HEATR4: variants seen among roughly 807,000 people sequenced by gnomAD.
HEATR4 encodes the protein HEAT repeat containing 4.
In HEATR4, 95 loss-of-function variants were observed where a neutral mutation model predicts 108.8. That is an observed-to-expected ratio of 0.87 (90% CI 0.74 to 1.04). The LOEUF (loss-of-function observed/expected upper bound fraction) is 1.04, where lower values mean the gene tolerates loss of function less well. Ranked by LOEUF, HEATR4 falls within the 50% of genes least tolerant of loss-of-function variation. The pLI is 0.00. For missense variants in HEATR4, 1,152 were observed against 1,253.8 expected, an observed-to-expected ratio of 0.92 and a Z score of 1.23; for synonymous variants, 443 against 459.4, an observed-to-expected ratio of 0.96 and a Z score of 0.46.
At chr14:73,573,957 C>T in the HEATR4 span, among the ~76,000 whole-genome samples, 1 of 151,994 alleles carries the variant, frequency 6.6e-6, no homozygotes, top group South Asian at 2.1e-4. Flanking sequence ...GAACTCCTGA[C>T]CTCAAATGAT....
chr14:73,592,483 G>T, the HEATR4 span: 1 of 1,415,114 alleles, frequency 7.1e-7, no homozygotes, highest in Non-Finnish European at 9.2e-7. Context: ...TTCCAGTGCT[G>T]ATTTAGCACT....
chr14:73,607,094 G>A, the HEATR4 span, among the ~76,000 whole-genome samples: 120 of 152,198 alleles, frequency 7.9e-4, 1 homozygote, highest in Admixed American at 6.2e-3. Flanking sequence ...GGTGGATCAC[G>A]AAGCCAGGAA....
At position 73,550,526 on chromosome 14, in the gene HEATR4, C is replaced by T. The variant is rs188504428; in HGVS notation, c.-152+8225G>A. 1.6e-4 allele frequency among the ~76,000 whole-genome samples: 18 copies of T among 113,746 alleles called. 5 individuals are homozygous for T. The highest frequency in any genetic ancestry group is 5.2e-4 in the African/African-American group (18 of 34,856). The allele number at this position is 113,746 out of a possible 152,430, so 74.6% of individuals were successfully genotyped here. A position where few individuals can be genotyped will look rare whatever the true frequency, so the allele number is the denominator to read the frequency against. ...GTGCATGTGCACACAGAAGACCACC[C>T]GGAACATGCTTATTAGCAACACCTC... On this transcript the variant is annotated intron_variant, in intron 1 of 17. Transcript: ENST00000553558.
chr14:73,590,529 G>A, the HEATR4 span, among the ~76,000 whole-genome samples: 1 of 152,252 alleles, frequency 6.6e-6, no homozygotes, highest in Non-Finnish European at 1.5e-5. Context: ...GTGGAGCAGG[G>A]AGCGGAGCTC....
the HEATR4 span, chr14:73,592,322 C>T: frequency 1.9e-6 from 3 of 1,608,570 alleles, no homozygotes; most frequent in Non-Finnish European, 2.5e-6. Flanking sequence ...GGCTGCTGTG[C>T]CAGGCGCAGC....
At position 73,491,041 on chromosome 14, in the gene HEATR4, A is replaced by C. The variant is rs776634001; in HGVS notation, c.2844+2025T>G. ...CCATGGATGGGCTCCAGGCCAGTGCAGGGCCGTTGAGGCGCGGGCGGCCGA... is the reference window on the plus strand; with the variant it reads ...CCATGGATGGGCTCCAGGCCAGTGCCGGGCCGTTGAGGCGCGGGCGGCCGA... On this transcript the variant is annotated intron_variant, in intron 17 of 17. Coordinates refer to ENST00000553558, the MANE Select transcript of HEATR4 (RefSeq NM_001220484.1). 5.7e-6 allele frequency: 9 copies of C among 1,584,802 alleles called. No individual in the cohort carries two copies. The African/African-American group carries it at 1.2e-4, about 22-fold the overall frequency.
Position 73,495,363 on chromosome 14 carries a change from A to G in HEATR4, c.2650T>C (p.Leu884=). The G allele has an allele frequency of 1.2e-6, 2 of 1,613,940 alleles. No homozygotes were observed. The highest frequency in any genetic ancestry group is 1.7e-6 in the Non-Finnish European group (2 of 1,179,910). The change falls in exon 16 of 18, where the codon TTG becomes CTG. Residue 884 remains leucine (L), a synonymous_variant. Transcript: ENST00000553558. ...NRIKTLSQKD[L]LTHKILKLEM... ...AGCTTGAGTATTTTGTGTGTCAGCA[A>G]GTCCTTTTGGCTTAGTGTTTTAATC... is the stretch of plus-strand genomic sequence containing the variant.
chr14:73,570,884 G>A, the HEATR4 span, among the ~76,000 whole-genome samples: 20 of 143,994 alleles, frequency 1.4e-4, no homozygotes, highest in African/African-American at 5.2e-4. Context: ...CAGCCTGGGG[G>A]ACAAGAGTGA....
chr14:73,569,327 A>G, the HEATR4 span: 1 of 1,613,906 alleles, frequency 6.2e-7, no homozygotes, highest in Non-Finnish European at 8.5e-7. Context: ...CTGTCCTTCG[A>G]GCGTCCCGGC....
chr14:73,587,974 C>G, the HEATR4 span, among the ~76,000 whole-genome samples: 1 of 152,024 alleles, frequency 6.6e-6, no homozygotes, highest in African/African-American at 2.4e-5. Flanking sequence ...ATAATCATAA[C>G]TCCTATTAGA....
At chr14:73,592,131 G>A in the HEATR4 span, 3 of 1,566,746 alleles carry the variant, frequency 1.9e-6, no homozygotes, top group Non-Finnish European at 2.6e-6. Flanking sequence ...CGACGCCCGC[G>A]GCGAGCTGGA....
chr14:73,564,249 G>A, the HEATR4 span, among the ~76,000 whole-genome samples: 1 of 150,188 alleles, frequency 6.7e-6, no homozygotes, highest in Non-Finnish European at 1.5e-5. Flanking sequence ...AGTGAGCCGA[G>A]ATCAGACCAC....
chr14:73,612,332 G>A, the HEATR4 span, among the ~76,000 whole-genome samples: 1 of 152,136 alleles, frequency 6.6e-6, no homozygotes, highest in East Asian at 1.9e-4. Flanking sequence ...GTGATCCACC[G>A]CCCCCGGCCG....
At chr14:73,575,089 G>A in the HEATR4 span, 103 of 1,441,084 alleles carry the variant, frequency 7.1e-5, 1 homozygote, top group East Asian at 1.6e-3. Flanking sequence ...AACAGAAATC[G>A]CATCAAGGTG....
intron 5 of HEATR4, among the ~76,000 whole-genome samples, chr14:73,517,961 C>G (rs1017760464): frequency 2.0e-5 from 3 of 152,144 alleles, no homozygotes; most frequent in Admixed American, 2.0e-4. Context: ...TGGCGCGCAC[C>G]TGTAGTCCCA....
rs1476803307 is a variant in HEATR4 at position 73,553,668 on chromosome 14, T to C, written c.-152+5083A>G. Among the ~76,000 whole-genome samples the C allele has an allele frequency of 2.6e-5, 3 of 113,398 alleles. 1 individual carries two copies. Among genetic ancestry groups the C allele is most frequent in the African/African-American group, 5.7e-5 (2 of 35,136 alleles). The allele number at this position is 113,398 out of a possible 152,430, so 74.4% of individuals were successfully genotyped here. On this transcript the variant is annotated intron_variant, in intron 1 of 17. Transcript: ENST00000553558. ...TTTTGTTTTTGAGATAGAGTCTTGC[T>C]CTGTCCCCCAGGCTGGAGTGCAGCA...
chr14:73,623,332 C>T, the HEATR4 span, among the ~76,000 whole-genome samples: 3 of 152,096 alleles, frequency 2.0e-5, no homozygotes, highest in African/African-American at 4.8e-5. Context: ...AGAAACATTA[C>T]GTGATATAAA....
At chr14:73,547,908 T>C (rs1416969892) in intron 1 of HEATR4, among the ~76,000 whole-genome samples, 1 of 114,074 alleles carries the variant, frequency 8.8e-6, no homozygotes, top group Non-Finnish European at 1.9e-5. Context: ...AAAAATAAAG[T>C]GTACAAAGAG....
Position 73,519,468 on chromosome 14 carries a change from G to A in HEATR4, c.1070-305C>T, listed in dbSNP as rs77503085. ...CCTTCCTAAGGCAGAACCTATGGCCGGGTGTGGTGGCTCACACCTGTAATC... is the reference window on the plus strand; with the variant it reads ...CCTTCCTAAGGCAGAACCTATGGCCAGGTGTGGTGGCTCACACCTGTAATC... On this transcript the variant is annotated intron_variant, in intron 4 of 17. Transcript: ENST00000553558. 6.9e-3 allele frequency among the ~76,000 whole-genome samples: 1,044 copies of A among 152,286 alleles called. 9 individuals are homozygous for A. Among genetic ancestry groups the A allele is most frequent in the Middle Eastern group, 0.065 (19 of 294 alleles).
Sources: gnomAD v4.1 joint callset for allele counts (sites outside exome capture counted in the v4.1 genomes callset) on GRCh38, gnomAD v4.1.1 for gene constraint, MANE v1.5 for transcripts, NCBI Gene and HGNC (gene_info 2026-07-23, HGNC 2026-07-21) for gene names.